The following NUMA1 variants were observed in gnomAD, a reference collection of about 807,000 sequenced individuals.
NUMA1 encodes SP-H antigen.
In NUMA1, 62 loss-of-function variants were observed where a neutral mutation model predicts 237.1. The observed-to-expected ratio is 0.26, with a 90% CI of 0.21 to 0.32. NUMA1 has a LOEUF of 0.32. Ranked by LOEUF, NUMA1 falls within the 10% of genes least tolerant of loss-of-function variation. The probability of loss-of-function intolerance (pLI) is 1.00; values close to 1 mark genes in which losing one functional copy is unlikely to be tolerated. For missense variants in NUMA1, 2,533 were observed against 2,666.5 expected (o/e 0.95, Z 1.10); for synonymous variants, 1,028 against 1,066.1 (o/e 0.96, Z 0.70).
At chr11:72,024,606 G>A in intron 4 of NUMA1, 1 of 494,546 alleles carries the variant, frequency 2.0e-6, no homozygotes, top group Non-Finnish European at 3.7e-6. Context: ...CACCCTATTT[G>A]CAAACATAAA....
chr11:72,042,349 C>T (rs566767086), intron 2 of NUMA1, among the ~76,000 whole-genome samples: 14 of 152,290 alleles, frequency 9.2e-5, no homozygotes, highest in Admixed American at 8.5e-4. Flanking sequence ...CCAGCATCCG[C>T]ACTGAGGTAG....
intron 4 of NUMA1, among the ~76,000 whole-genome samples, chr11:72,025,768 A>C (rs1222936765): frequency 6.6e-6 from 1 of 152,188 alleles, no homozygotes; most frequent in Non-Finnish European, 1.5e-5. Flanking sequence ...GTGATTACAC[A>C]GGCTTCTTCC....
intron 16 of NUMA1, among the ~76,000 whole-genome samples, chr11:72,011,622 AGAG>A (rs1956169707): frequency 6.6e-6 from 1 of 152,144 alleles, no homozygotes; most frequent in Non-Finnish European, 1.5e-5. Context: ...CAGGCTCCTT[AGAG>A]GAGGGCCCAA....
Position 72,021,186 on chromosome 11 carries a change from G to A in NUMA1, c.460+18C>T. ...ATTTCAGAGATGAGGGGATTCTCAG[G>A]AGTGTGTACCTACTTACCTTTCTGT... is the stretch of plus-strand genomic sequence containing the variant. On this transcript the variant is annotated intron_variant, in intron 8 of 26. Coordinates refer to ENST00000393695, the MANE Select transcript of NUMA1 (RefSeq NM_006185.4). 1.3e-6 allele frequency: 2 copies of A among 1,585,402 alleles called. No individual in the cohort carries two copies. Among genetic ancestry groups the A allele is most frequent in the Non-Finnish European group, 1.7e-6 (2 of 1,153,778 alleles).
At chr11:72,058,758 T>C (rs1040952593) in intron 2 of NUMA1, among the ~76,000 whole-genome samples, 19 of 152,100 alleles carry the variant, frequency 1.2e-4, no homozygotes, top group Non-Finnish European at 2.6e-4. Flanking sequence ...TGTTGGTAAA[T>C]TGGAAATGGC....
At chr11:72,030,251 C>T (rs955074019) in intron 3 of NUMA1, among the ~76,000 whole-genome samples, 5 of 151,680 alleles carry the variant, frequency 3.3e-5, no homozygotes, top group African/African-American at 1.2e-4. Flanking sequence ...GGGAGGATCA[C>T]CTTAGCCCAG....
chr11:72,021,378 T>G, intron 7 of NUMA1, 87 bp from the exon 8 acceptor site: 1 of 1,174,208 alleles, frequency 8.5e-7, no homozygotes, highest in Non-Finnish European at 1.3e-6. Flanking sequence ...GCAGTGCCAG[T>G]CCCCGGCTCC....
chr11:72,034,845 G>A (rs1215477479), intron 3 of NUMA1, among the ~76,000 whole-genome samples: 3 of 152,030 alleles, frequency 2.0e-5, no homozygotes, highest in Non-Finnish European at 4.4e-5. Context: ...TGTTTCTTTA[G>A]CTTTATTTAT....
At chr11:72,035,592 G>C (rs1198717159) in intron 3 of NUMA1, among the ~76,000 whole-genome samples, 1 of 151,506 alleles carries the variant, frequency 6.6e-6, no homozygotes, top group African/African-American at 2.4e-5. Flanking sequence ...ATTTTTAGTA[G>C]AGACGGGGGG....
In NUMA1 at chr11:72,022,332, G is replaced by T. The variant is rs778709741; in HGVS notation, c.372+7C>A. ...CTGCTAGGTGGCATGGAGGCACAAG[G>T]GCTTACCTGAATTTTATATTCAAAC... is the stretch of plus-strand genomic sequence containing the variant. On this transcript the variant is annotated splice_region_variant and intron_variant, in intron 7 of 26. Transcript: ENST00000393695. 5 of 1,606,010 alleles carry T rather than the reference G, an allele frequency of 3.1e-6. No homozygotes were observed. In the South Asian group the frequency reaches 4.4e-5, roughly 14 times the overall value.
intron 3 of NUMA1, among the ~76,000 whole-genome samples, chr11:72,034,044 G>A (rs1032039303): frequency 7.9e-5 from 12 of 152,078 alleles, no homozygotes; most frequent in African/African-American, 2.7e-4. Flanking sequence ...GAGCCCCAAA[G>A]TTTGAGGTTA....
At chr11:72,078,057 T>C (rs1300818384) in intron 1 of NUMA1, among the ~76,000 whole-genome samples, 1 of 152,212 alleles carries the variant, frequency 6.6e-6, no homozygotes, top group African/African-American at 2.4e-5. Context: ...TGTTGGGGTC[T>C]CACTCTGTTG....
At chr11:72,033,272 CATCT>C (rs1940566823) in intron 3 of NUMA1, among the ~76,000 whole-genome samples, 2 of 152,206 alleles carry the variant, frequency 1.3e-5, no homozygotes, top group South Asian at 4.1e-4. Flanking sequence ...GCAATTCTCC[CATCT>C]CAGCTTCCCA....
chr11:72,021,456 C>T (rs1938811736), intron 7 of NUMA1, among the ~76,000 whole-genome samples, 165 bp from the exon 8 acceptor site: 2 of 152,246 alleles, frequency 1.3e-5, no homozygotes, highest in Admixed American at 1.3e-4. Context: ...ACCCAGCCAA[C>T]AACATTCAAC....
intron 2 of NUMA1, among the ~76,000 whole-genome samples, chr11:72,055,394 C>T (rs181618003): frequency 7.2e-5 from 11 of 152,178 alleles, no homozygotes; most frequent in Non-Finnish European, 1.0e-4. Flanking sequence ...AACCGGGCCA[C>T]GATGTAACCA....
chr11:72,022,045 G>C (rs1590943490), intron 7 of NUMA1, among the ~76,000 whole-genome samples: 3 of 152,018 alleles, frequency 2.0e-5, no homozygotes, highest in African/African-American at 7.2e-5. Context: ...TAGGAACAGA[G>C]AATAATTTCT....
At chr11:72,079,747 AT>A (rs1555045253) in intron 1 of NUMA1, among the ~76,000 whole-genome samples, 3 of 141,472 alleles carry the variant, frequency 2.1e-5, no homozygotes, top group Non-Finnish European at 3.0e-5. Context: ...ACAAACAAAA[AT>A]TAAAAAAAAA....
chr11:72,039,103 G>C (rs1381952995), intron 2 of NUMA1, among the ~76,000 whole-genome samples: 1 of 152,136 alleles, frequency 6.6e-6, no homozygotes, highest in African/African-American at 2.4e-5. Flanking sequence ...TAAATATCAA[G>C]ATAAGGAAAG....
Position 72,004,751 on chromosome 11 carries a change from C to A in NUMA1, c.5895G>T (p.Leu1965=). 6.2e-7 allele frequency: 1 copy of A among 1,610,548 alleles called. No homozygotes were observed. Among genetic ancestry groups the A allele is most frequent in the East Asian group, 2.2e-5 (1 of 44,846 alleles). Residue 1965 remains leucine, a synonymous_variant, in exon 24 of 27, where the codon CTG becomes CTT. Transcript: ENST00000393695. ...EMKTGDPQET[L]RRASMQPIQI... The stretch of plus-strand genomic sequence containing the variant: ...GGATTGGCTGCATGCTGGCTCGGCG[C>A]AGGGTCTCTTGGGGGTCTCCAGTTT...
Sources: gnomAD v4.1 joint callset for allele counts (sites outside exome capture counted in the v4.1 genomes callset) on GRCh38, gnomAD v4.1.1 for gene constraint, MANE v1.5 for transcripts, NCBI Gene and HGNC (gene_info 2026-07-23, HGNC 2026-07-21) for gene names.